The following CNTN5 variants were observed in gnomAD, a reference collection of about 807,000 sequenced individuals.
The protein encoded by CNTN5 is contactin 5.
CNTN5 carries 77 observed loss-of-function variants against 129.1 expected under a neutral mutation model. That is an observed-to-expected ratio of 0.60 (90% confidence interval 0.50 to 0.72). CNTN5 has a LOEUF of 0.72. CNTN5 is among the 30% of genes least tolerant of loss of function. The pLI, the probability that CNTN5 is intolerant of heterozygous loss-of-function variation, is 0.00. For synonymous variants in CNTN5, 509 were observed against 465.6 expected (o/e 1.09, Z -1.20); for missense variants, 1,478 against 1,328.8 (o/e 1.11, Z -1.75).
intron 13 of CNTN5, among the ~76,000 whole-genome samples, chr11:100,142,990 A>T (rs974688445): frequency 6.6e-6 from 1 of 152,132 alleles, no homozygotes; most frequent in Non-Finnish European, 1.5e-5. Flanking sequence ...TCTTCAGGCT[A>T]TGTGTACATG....
At chr11:99,590,074 A>G (rs191947780) in intron 3 of CNTN5, among the ~76,000 whole-genome samples, 2 of 152,318 alleles carry the variant, frequency 1.3e-5, no homozygotes, top group African/African-American at 4.8e-5. Context: ...AGGATCATCC[A>G]GAGGAAGATA....
At chr11:99,160,006 G>C (rs186472601) in intron 1 of CNTN5, among the ~76,000 whole-genome samples, 3 of 152,222 alleles carry the variant, frequency 2.0e-5, no homozygotes, top group Admixed American at 2.0e-4. Context: ...GGGAGCACAG[G>C]TGAACAAAAC....
At chr11:99,315,811 G>A (rs1036040544) in intron 1 of CNTN5, among the ~76,000 whole-genome samples, 1 of 148,940 alleles carries the variant, frequency 6.7e-6, no homozygotes, top group Non-Finnish European at 1.5e-5. Flanking sequence ...TATATTGCAA[G>A]CCAGTGATTT....
rs1952532761 is a variant in CNTN5, at chr11:100,356,735, A to G, written c.*515A>G. 1 of 156,436 alleles carries G rather than the reference A, an allele frequency of 6.4e-6. No individual in the cohort carries two copies. The highest frequency in any genetic ancestry group is 1.4e-5 in the Non-Finnish European group (1 of 70,672). The allele number at this position is 156,436 out of a possible 1,614,324, so 9.7% of individuals were successfully genotyped here. ...AAATGCTTCAGTGATGTGGTCCATT[A>G]TAAGATAAGTACACAAAAATTTTCT... On this transcript the variant is annotated 3_prime_UTR_variant, in exon 25 of 25. Transcript: ENST00000524871.
At chr11:100,005,194 C>A (rs562625315) in intron 9 of CNTN5, among the ~76,000 whole-genome samples, 1 of 152,236 alleles carries the variant, frequency 6.6e-6, no homozygotes, top group Admixed American at 6.5e-5. Flanking sequence ...AATATTCCAT[C>A]TACTTAATCC....
intron 3 of CNTN5, among the ~76,000 whole-genome samples, chr11:99,709,113 G>A (rs1356127460): frequency 6.6e-6 from 1 of 151,782 alleles, no homozygotes; most frequent in East Asian, 1.9e-4. Flanking sequence ...AAGCTCATTA[G>A]CACATCATCT....
At chr11:99,330,459 A>C (rs1188024232) in intron 2 of CNTN5, among the ~76,000 whole-genome samples, 1 of 152,184 alleles carries the variant, frequency 6.6e-6, no homozygotes, top group Non-Finnish European at 1.5e-5. Flanking sequence ...ACATAATGGA[A>C]ATAATGATTG....
intron 21 of CNTN5, chr11:100,337,201 A>G: frequency 6.5e-7 from 1 of 1,539,406 alleles, no homozygotes; most frequent in Non-Finnish European, 9.0e-7. Context: ...CAGCAGTGAA[A>G]ACACTGTAGT....
At chr11:99,613,321 G>A (rs965851549) in intron 3 of CNTN5, among the ~76,000 whole-genome samples, 4 of 152,170 alleles carry the variant, frequency 2.6e-5, no homozygotes, top group Non-Finnish European at 2.9e-5. Context: ...GCTCTTCCCG[G>A]CTTCGCTGGG....
intron 9 of CNTN5, among the ~76,000 whole-genome samples, chr11:100,017,856 T>A (rs1455906878): frequency 1.3e-5 from 2 of 152,010 alleles, no homozygotes; most frequent in African/African-American, 4.8e-5. Flanking sequence ...CTGCCTGCAC[T>A]GCCTGCATTA....
chr11:100,130,511 G>T (rs190915003), intron 13 of CNTN5, among the ~76,000 whole-genome samples: 2 of 152,270 alleles, frequency 1.3e-5, no homozygotes, highest in East Asian at 3.9e-4. Flanking sequence ...GGCATTGTGA[G>T]CAAGGGCCAA....
intron 3 of CNTN5, among the ~76,000 whole-genome samples, chr11:99,687,171 CTG>C (rs35971156): frequency 0.35 from 52,502 of 151,820 alleles, 9,927 homozygotes; most frequent in Middle Eastern, 0.47. Context: ...GTTTTGTACA[CTG>C]TTATTTAGTT....
intron 2 of CNTN5, among the ~76,000 whole-genome samples, chr11:99,326,807 GA>G (rs1319858029): frequency 6.6e-6 from 1 of 152,024 alleles, no homozygotes; most frequent in Non-Finnish European, 1.5e-5. Context: ...CAAATCATGG[GA>G]AAAAATTGAG....
chr11:99,359,943 G>A (rs73543112), intron 2 of CNTN5, among the ~76,000 whole-genome samples: 4,906 of 151,978 alleles, frequency 0.032, 266 homozygotes, highest in African/African-American at 0.11. Context: ...GTACATGAGG[G>A]GATGGATTCC....
chr11:99,249,063 G>A (rs977882588), intron 1 of CNTN5, among the ~76,000 whole-genome samples: 1 of 152,088 alleles, frequency 6.6e-6, no homozygotes, highest in Non-Finnish European at 1.5e-5. Context: ...GGGCAGTATG[G>A]CCATTTTCAT....
At chr11:99,748,067 A>G (rs933092917) in intron 3 of CNTN5, among the ~76,000 whole-genome samples, 2 of 152,198 alleles carry the variant, frequency 1.3e-5, no homozygotes, top group East Asian at 1.9e-4. Flanking sequence ...ATCCCATCCA[A>G]TCATAGTGAA....
intron 1 of CNTN5, among the ~76,000 whole-genome samples, chr11:99,298,976 G>C (rs562400051): frequency 6.6e-6 from 1 of 152,270 alleles, no homozygotes; most frequent in South Asian, 2.1e-4. Flanking sequence ...TAATCTGTAA[G>C]AGAGAATGCT....
rs1186386021 is a variant in CNTN5, at chr11:99,358,255, A to ATTTTTTTTTTTTTTTT, written c.-71+32776_-71+32791dup. ...AGGCGCCCGCCACCACGCCCTGCTG[A>ATTTTTTTTTTTTTTTT]TTTTTTTTTTTTTTTTTTTTAGTAG... On this transcript the variant is annotated intron_variant, in intron 2 of 24. Transcript: ENST00000524871. Among the ~76,000 whole-genome samples the ATTTTTTTTTTTTTTTT allele has an allele frequency of 6.4e-4, 30 of 46,922 alleles. 4 individuals are homozygous for ATTTTTTTTTTTTTTTT. Among genetic ancestry groups the ATTTTTTTTTTTTTTTT allele is most frequent in the South Asian group, 1.2e-3 (1 of 850 alleles). 30.8% of individuals were successfully genotyped at this position (46,922 alleles called of 152,430 possible).
chr11:99,670,896 A>G (rs901423397), intron 3 of CNTN5, among the ~76,000 whole-genome samples: 1 of 152,162 alleles, frequency 6.6e-6, no homozygotes, highest in Non-Finnish European at 1.5e-5. Flanking sequence ...TTATGCATGT[A>G]AAGTGGGTAG....
Sources: gnomAD v4.1 joint callset for allele counts (sites outside exome capture counted in the v4.1 genomes callset) on GRCh38, gnomAD v4.1.1 for gene constraint, MANE v1.5 for transcripts, NCBI Gene and HGNC (gene_info 2026-07-23, HGNC 2026-07-21) for gene names.